The following SIDT1 variants were observed in gnomAD, a reference collection of about 807,000 sequenced individuals.
SIDT1 encodes SID1 transmembrane family member 1.
In SIDT1, 101 loss-of-function variants were observed where a neutral mutation model predicts 107.5. The ratio of observed to expected loss-of-function variants is 0.94; its 90% CI spans 0.80 to 1.11. The LOEUF (loss-of-function observed/expected upper bound fraction) is 1.11. SIDT1 is among the 50% of genes least tolerant of loss of function. The pLI, the probability that SIDT1 is intolerant of heterozygous loss-of-function variation, is 0.00. For missense variants in SIDT1, 1,076 were observed against 1,058.2 expected, an observed-to-expected ratio of 1.02 and a Z score of -0.23; for synonymous variants, 395 against 398.2, an observed-to-expected ratio of 0.99 and a Z score of 0.10.
intron 3 of SIDT1, among the ~76,000 whole-genome samples, chr3:113,568,815 C>G (rs544856569): frequency 6.6e-6 from 1 of 152,018 alleles, no homozygotes; most frequent in Admixed American, 6.5e-5. Context: ...TACCCAACAA[C>G]ATGGATACAT....
In SIDT1 at chr3:113,611,120, C is replaced by G; in HGVS notation, c.1833C>G (p.Val611=). Residue 611 remains valine, a synonymous_variant, in exon 18 of 25, where the codon GTC becomes GTG. Coordinates refer to ENST00000264852, the MANE Select transcript of SIDT1 (RefSeq NM_017699.3). Reference sequence around the variant, plus strand: ...CTGCCTATGCCTCCTTTGCTGTGGTCATCATGGTCACCGTCCTTGGAGTGG... The same window carrying G: ...CTGCCTATGCCTCCTTTGCTGTGGTGATCATGGTCACCGTCCTTGGAGTGG... ...AYSAYASFAV[V]IMVTVLGVVF... The G allele has an allele frequency of 6.2e-7, 1 of 1,614,068 alleles. No homozygotes were observed. Among genetic ancestry groups the G allele is most frequent in the Non-Finnish European group, 8.5e-7 (1 of 1,179,990 alleles).
intron 1 of SIDT1, 77 bp downstream of exon 1, chr3:113,533,320 T>C: frequency 8.5e-7 from 1 of 1,172,348 alleles, no homozygotes; most frequent in South Asian, 2.2e-5. Context: ...TGGAGTCCCC[T>C]GGGAATTGAC....
chr3:113,604,991 A>T lies in SIDT1; in HGVS notation c.1404+15A>T. 1 of 1,613,422 alleles carries T rather than the reference A, an allele frequency of 6.2e-7. No individual in the cohort carries two copies. Among genetic ancestry groups the T allele is most frequent in the South Asian group, 1.1e-5 (1 of 91,080 alleles). ...CCTATCAGACAGTAAGTGCTGCCCC[A>T]GCCCCAGCCCCAGAGTCCCAGCTTT... On this transcript the variant is annotated intron_variant, in intron 14 of 24. Transcript: ENST00000264852.
At chr3:113,557,692 C>A (rs1941026610) in intron 1 of SIDT1, among the ~76,000 whole-genome samples, 1 of 152,192 alleles carries the variant, frequency 6.6e-6, no homozygotes, top group Non-Finnish European at 1.5e-5. Flanking sequence ...GCCCAGCTAA[C>A]ACCTTGATTC....
Position 113,603,071 on chromosome 3 carries a change from A to T in SIDT1, c.1184A>T (p.Asp395Val). The change falls in exon 12 of 25, where the codon GAC (aspartate) becomes GTC (valine). Residue 395 changes from aspartate (D) to valine (V), a missense_variant. Asp to Val is a radical substitution (Grantham distance 152). Transcript: ENST00000264852. ...GATGGTGGGCCACCGGGCCAGTCAG[A>T]CACAGACAGCTCCGTGGAGGAGAGC... Reference protein sequence around the residue: ...SSDGGPPGQSDTDSSVEESDF... With the variant: ...SSDGGPPGQSVTDSSVEESDF... 6.2e-7 allele frequency: 1 copy of T among 1,614,168 alleles called. No homozygotes were observed. The highest frequency in any genetic ancestry group is 1.7e-5 in the Admixed American group (1 of 60,030).
intron 8 of SIDT1, 33 bp downstream of exon 8, chr3:113,584,802 T>G: frequency 7.1e-7 from 1 of 1,417,352 alleles, no homozygotes; most frequent in Non-Finnish European, 9.7e-7. Context: ...ATTGAAGAGA[T>G]TCCTGTGTCA....
chr3:113,551,894 T>A (rs1350529151), intron 1 of SIDT1, among the ~76,000 whole-genome samples: 2 of 151,984 alleles, frequency 1.3e-5, no homozygotes, highest in Non-Finnish European at 2.9e-5. Flanking sequence ...GGGTTCCTTC[T>A]TTGTGTCAGG....
At chr3:113,595,590 A>C (rs1479542586) in intron 10 of SIDT1, among the ~76,000 whole-genome samples, 1 of 151,834 alleles carries the variant, frequency 6.6e-6, no homozygotes, top group Non-Finnish European at 1.5e-5. Context: ...AAAAAAAAAA[A>C]AGCCTCCAGA....
Position 113,597,239 on chromosome 3 carries a change from G to A in SIDT1, c.1045+4191G>A, listed in dbSNP as rs549012368. ...TGGCTGGGCACGATGGCTCACACCT[G>A]TAATCCCAACACTTTGGGAGGCCGA... On this transcript the variant is annotated intron_variant, in intron 10 of 24. Coordinates refer to ENST00000264852, the MANE Select transcript of SIDT1 (RefSeq NM_017699.3). 3.9e-5 allele frequency among the ~76,000 whole-genome samples: 6 copies of A among 152,250 alleles called. No homozygotes were observed. In the South Asian group the frequency reaches 8.3e-4, roughly 21 times the overall value.
At position 113,623,715 on chromosome 3, in the gene SIDT1, G is replaced by C; in HGVS notation, c.2289G>C (p.Gln763His). The C allele has an allele frequency of 6.2e-7, 1 of 1,613,634 alleles. No individual in the cohort carries two copies. The highest frequency in any genetic ancestry group is 8.5e-7 in the Non-Finnish European group (1 of 1,179,692). ...CTGCCGCCCTATATTTTTTCTTCCA[G>C]AATCTCAGCAGCTGGGAGGTAAGAG... ...MWAAALYFFF[Q>H]NLSSWEGTPA... Residue 763 changes from glutamine to histidine, a missense_variant, in exon 23 of 25, where the codon CAG becomes CAC. Coordinates refer to ENST00000264852, the MANE Select transcript of SIDT1 (RefSeq NM_017699.3).
At chr3:113,601,829 C>T in intron 11 of SIDT1, 170 bp downstream of exon 11, 1 of 533,846 alleles carries the variant, frequency 1.9e-6, no homozygotes, top group Non-Finnish European at 3.3e-6. Context: ...TTCCTCCCAG[C>T]TCTAACTTTC....
intron 1 of SIDT1, among the ~76,000 whole-genome samples, chr3:113,548,385 T>C (rs1939837025): frequency 6.6e-6 from 1 of 152,130 alleles, no homozygotes. Flanking sequence ...CATTAATTCA[T>C]CCTTTATTCT....
At chr3:113,573,436 C>A (rs144581594) in intron 3 of SIDT1, among the ~76,000 whole-genome samples, 1 of 152,158 alleles carries the variant, frequency 6.6e-6, no homozygotes, top group Non-Finnish European at 1.5e-5. Flanking sequence ...GTAACATTCT[C>A]ATTTAAGGGA....
intron 14 of SIDT1, chr3:113,606,794 A>AC: frequency 2.5e-6 from 1 of 396,502 alleles, no homozygotes; most frequent in East Asian, 3.8e-5. Context: ...GATGAATTCC[A>AC]CCTTGGGGCT....
chr3:113,605,681 T>C (rs1414591016), intron 14 of SIDT1, among the ~76,000 whole-genome samples: 1 of 152,140 alleles, frequency 6.6e-6, no homozygotes, highest in Non-Finnish European at 1.5e-5. Context: ...TGCCTTCCCA[T>C]TGAAGGTAAA....
intron 23 of SIDT1, 65 bp from the exon 24 acceptor site, chr3:113,626,037 C>A: frequency 9.0e-7 from 1 of 1,113,272 alleles, no homozygotes; most frequent in Non-Finnish European, 1.4e-6. Flanking sequence ...GCTTTCTGGA[C>A]GTTCAACTCT....
In SIDT1 at chr3:113,585,235, G is replaced by A. The variant is rs139102005; in HGVS notation, c.966G>A (p.Leu322=). 1.2e-5 allele frequency: 20 copies of A among 1,613,272 alleles called. No homozygotes were observed. The African/African-American group carries it at 1.7e-4, about 14-fold the overall frequency. Reference sequence around the variant, plus strand: ...TCTTCATCTTCCTGTCCTTCTACTTGGGATGCCTTCTTGTTGGGTTTGTTC... The same window carrying A: ...TCTTCATCTTCCTGTCCTTCTACTTAGGATGCCTTCTTGTTGGGTTTGTTC... The part of the protein sequence containing the change: ...FSVFIFLSFY[L]GCLLVGFVHY... Residue 322 remains leucine, a synonymous_variant, in exon 9 of 25, where the codon TTG becomes TTA. Transcript: ENST00000264852.
chr3:113,556,458 A>G (rs1940866218), intron 1 of SIDT1, among the ~76,000 whole-genome samples: 1 of 151,102 alleles, frequency 6.6e-6, no homozygotes, highest in African/African-American at 2.5e-5. Flanking sequence ...TTTTTATACA[A>G]CGGTCACTGG....
At chr3:113,587,439 C>A (rs1400781520) in intron 9 of SIDT1, among the ~76,000 whole-genome samples, 1 of 152,194 alleles carries the variant, frequency 6.6e-6, no homozygotes, top group African/African-American at 2.4e-5. Context: ...AACTGATTAG[C>A]AGCTCAATTA....
Sources: gnomAD v4.1 joint callset for allele counts (sites outside exome capture counted in the v4.1 genomes callset) on GRCh38, gnomAD v4.1.1 for gene constraint, MANE v1.5 for transcripts, NCBI Gene and HGNC (gene_info 2026-07-23, HGNC 2026-07-21) for gene names.